The following SORCS3 variants were observed in gnomAD, a reference collection of about 807,000 sequenced individuals.
The protein encoded by SORCS3 is sortilin related VPS10 domain containing receptor 3.
In SORCS3, 57 loss-of-function variants were observed where a neutral mutation model predicts 146.3. That is an observed-to-expected ratio of 0.39 (90% CI 0.31 to 0.49). The LOEUF (loss-of-function observed/expected upper bound fraction) is 0.49. Ranked by LOEUF, SORCS3 falls within the 20% of genes least tolerant of loss-of-function variation. The pLI is 0.92. For missense variants in SORCS3, 1,341 were observed against 1,575.5 expected, an observed-to-expected ratio of 0.85 and a Z score of 2.52; for synonymous variants, 653 against 618.5, an observed-to-expected ratio of 1.06 and a Z score of -0.83.
At chr10:104,828,501 T>C (rs1463306541) in intron 1 of SORCS3, among the ~76,000 whole-genome samples, 1 of 152,084 alleles carries the variant, frequency 6.6e-6, no homozygotes, top group Non-Finnish European at 1.5e-5. Flanking sequence ...CAAAGATCAC[T>C]CATCACAGGT....
chr10:104,880,835 A>T (rs913009260), intron 2 of SORCS3, among the ~76,000 whole-genome samples: 7 of 152,276 alleles, frequency 4.6e-5, no homozygotes, highest in Admixed American at 3.3e-4. Context: ...ATCCTGCTTC[A>T]CAAGCTATCC....
chr10:104,696,602 ATT>A (rs1370184106), intron 1 of SORCS3, among the ~76,000 whole-genome samples: 6 of 98,450 alleles, frequency 6.1e-5, no homozygotes, highest in South Asian at 2.6e-4. Context: ...ATACGTATAT[ATT>A]ATATATAATA....
intron 3 of SORCS3, among the ~76,000 whole-genome samples, chr10:104,931,959 TC>T (rs970679713): frequency 2.6e-5 from 4 of 152,166 alleles, no homozygotes; most frequent in Non-Finnish European, 1.5e-5. Flanking sequence ...ATGAGAGATT[TC>T]CTGACTCCAC....
chr10:105,045,715 G>T (rs1454427318), intron 5 of SORCS3, among the ~76,000 whole-genome samples: 1 of 152,082 alleles, frequency 6.6e-6, no homozygotes, highest in Non-Finnish European at 1.5e-5. Flanking sequence ...TTAACCTATG[G>T]TTCCCTCATC....
intron 1 of SORCS3, among the ~76,000 whole-genome samples, chr10:104,830,425 C>A (rs1185035274): frequency 3.3e-5 from 5 of 152,144 alleles, no homozygotes; most frequent in Non-Finnish European, 7.3e-5. Flanking sequence ...GGGTCTCTCC[C>A]ACCTAGGTTC....
At chr10:105,163,929 T>G (rs1036383989) in intron 11 of SORCS3, among the ~76,000 whole-genome samples, 1 of 140,990 alleles carries the variant, frequency 7.1e-6, no homozygotes, top group African/African-American at 2.5e-5. Flanking sequence ...CACCAGTTTT[T>G]CTCAGGCTCC....
At position 104,727,545 on chromosome 10, in the gene SORCS3, GTATA is replaced by G. The variant is rs34816369; in HGVS notation, c.627+85608_627+85611del. Among the ~76,000 whole-genome samples, 392 of 147,850 alleles carry G rather than the reference GTATA, an allele frequency of 2.7e-3. 1 individual carries two copies. The highest frequency in any genetic ancestry group is 5.6e-3 in the African/African-American group (227 of 40,248). ...TCTTAGAAGGGATATATGTGTGTGT[GTATA>G]TATATATATATATATAAGATGCATA... On this transcript the variant is annotated intron_variant, in intron 1 of 26. Transcript: ENST00000369701.
At chr10:105,099,810 C>T (rs939420082) in intron 6 of SORCS3, among the ~76,000 whole-genome samples, 1 of 152,172 alleles carries the variant, frequency 6.6e-6, no homozygotes, top group African/African-American at 2.4e-5. Context: ...TCTCTTCTCC[C>T]ACATTCACCA....
intron 11 of SORCS3, among the ~76,000 whole-genome samples, chr10:105,163,879 C>CATAT (rs1491338741): frequency 8.8e-6 from 1 of 114,024 alleles, no homozygotes; most frequent in Non-Finnish European, 1.7e-5. Context: ...CACAGTTACG[C>CATAT]ACATACACAC....
intron 2 of SORCS3, among the ~76,000 whole-genome samples, chr10:104,914,699 C>T (rs563822005): frequency 2.0e-5 from 3 of 152,108 alleles, no homozygotes; most frequent in Non-Finnish European, 4.4e-5. Context: ...GAGCTGTTGG[C>T]CAGGGAAGCA....
At chr10:104,934,474 A>C (rs1312398723) in intron 3 of SORCS3, among the ~76,000 whole-genome samples, 1 of 152,196 alleles carries the variant, frequency 6.6e-6, no homozygotes, top group African/African-American at 2.4e-5. Flanking sequence ...AGTGTTGCTT[A>C]ACACACAGCC....
chr10:105,087,836 A>C (rs2055673693), intron 5 of SORCS3, among the ~76,000 whole-genome samples: 1 of 152,238 alleles, frequency 6.6e-6, no homozygotes, highest in South Asian at 2.1e-4. Context: ...TGCACATGGA[A>C]ATCACCTGCG....
At chr10:104,994,377 A>C (rs2133665815) in intron 4 of SORCS3, among the ~76,000 whole-genome samples, 1 of 152,344 alleles carries the variant, frequency 6.6e-6, no homozygotes, top group African/African-American at 2.4e-5. Context: ...GATGCTCATA[A>C]GCATTATTTA....
In SORCS3 at chr10:104,920,395, G is replaced by A. The variant is rs375511192; in HGVS notation, c.795+4463G>A. ...ATACTGATAGTTAATTAACCATTAA[G>A]TTGGAAGGAAGCAGAGGTGTTAACC... On this transcript the variant is annotated intron_variant, in intron 3 of 26. Transcript: ENST00000369701. 1.6e-4 allele frequency among the ~76,000 whole-genome samples: 24 copies of A among 152,336 alleles called. No homozygotes were observed. In the South Asian group the frequency reaches 5.0e-3, roughly 32 times the overall value.
intron 7 of SORCS3, among the ~76,000 whole-genome samples, chr10:105,106,131 A>C (rs2055819606): frequency 6.6e-6 from 1 of 152,200 alleles, no homozygotes; most frequent in South Asian, 2.1e-4. Flanking sequence ...TAAGGGGAAC[A>C]AAAGGTAGTG....
At chr10:104,677,048 T>C (rs1466969512) in intron 1 of SORCS3, among the ~76,000 whole-genome samples, 1 of 152,232 alleles carries the variant, frequency 6.6e-6, no homozygotes, top group Non-Finnish European at 1.5e-5. Context: ...TTTGGTGTCA[T>C]TGTCAGCACT....
At chr10:105,164,405 G>A in intron 12 of SORCS3, 26 bp downstream of exon 12, 1 of 1,511,454 alleles carries the variant, frequency 6.6e-7, no homozygotes, top group Non-Finnish European at 9.2e-7. Context: ...GACAAAAAGG[G>A]AGGAGGCATT....
intron 5 of SORCS3, among the ~76,000 whole-genome samples, chr10:105,066,400 G>A (rs1184538930): frequency 1.3e-5 from 2 of 152,162 alleles, no homozygotes; most frequent in African/African-American, 4.8e-5. Flanking sequence ...TAGAGGTTGA[G>A]AGTTGGTTTT....
intron 2 of SORCS3, among the ~76,000 whole-genome samples, chr10:104,880,906 C>T (rs1388543940): frequency 6.6e-6 from 1 of 152,178 alleles, no homozygotes; most frequent in African/African-American, 2.4e-5. Flanking sequence ...GTGTGTTTGT[C>T]ACTCTGTATC....
Sources: allele counts gnomAD v4.1 joint callset (sites outside exome capture counted in the v4.1 genomes callset), GRCh38; gene constraint gnomAD v4.1.1; transcripts MANE v1.5; gene names NCBI Gene and HGNC (gene_info 2026-07-23, HGNC 2026-07-21).